The following ARHGAP8 variants were observed in gnomAD, a reference collection of about 807,000 sequenced individuals.
ARHGAP8 encodes the protein Rho GTPase activating protein 8.
ARHGAP8 carries 62 observed loss-of-function variants against 46.1 expected under a neutral mutation model. The ratio of observed to expected loss-of-function variants is 1.34; its 90% CI spans 1.10 to 1.66. The LOEUF is 1.66. ARHGAP8 is among the 40% of genes most tolerant of loss of function. The probability of loss-of-function intolerance (pLI) is 0.00; values close to 1 mark genes in which losing one functional copy is unlikely to be tolerated. For synonymous variants in ARHGAP8, 375 were observed against 243.1 expected (o/e 1.54, Z -5.05); for missense variants, 923 against 568.4 (o/e 1.62, Z -6.34).
At chr22:44,798,478 T>G (rs542860714) in intron 2 of ARHGAP8, among the ~76,000 whole-genome samples, 11 of 151,746 alleles carry the variant, frequency 7.2e-5, no homozygotes, top group Non-Finnish European at 1.3e-4. Flanking sequence ...TAATTAGATC[T>G]GCAGTGACCC....
In ARHGAP8 at chr22:44,848,170, A is replaced by G. The variant is rs564529029; in HGVS notation, c.748+120A>G. 22 of 1,386,838 alleles carry G rather than the reference A, an allele frequency of 1.6e-5. No homozygotes were observed. The East Asian group carries it at 5.5e-4, about 35-fold the overall frequency. The allele number at this position is 1,386,838 out of a possible 1,614,324, so 85.9% of individuals were successfully genotyped here. A position where few individuals can be genotyped will look rare whatever the true frequency, so the allele number is the denominator to read the frequency against. ...GCAACCCACCCAACTCCCAGAAAAC[A>G]CTCAGGGTGGGGGCAGCTTCCCAGG... On this transcript the variant is annotated intron_variant, in intron 9 of 11. Coordinates refer to ENST00000356099, the MANE Select transcript of ARHGAP8 (RefSeq NM_181335.3).
At chr22:44,802,213 T>C (rs1376629980) in intron 3 of ARHGAP8, 49 bp downstream of exon 3, 12 of 1,605,162 alleles carry the variant, frequency 7.5e-6, no homozygotes, top group Non-Finnish European at 1.0e-5. Context: ...CCATGTTGCT[T>C]GTCCCCATCC....
chr22:44,836,162 T>TCACCTCACGACAGCTC (rs1018203840), intron 7 of ARHGAP8, among the ~76,000 whole-genome samples: 15 of 152,212 alleles, frequency 9.9e-5, no homozygotes, highest in African/African-American at 3.6e-4. Context: ...TTGCCACCTT[T>TCACCTCACGACAGCTC]CACCTCACGA....
At chr22:44,774,518 ATTTT>A (rs132473) in intron 1 of ARHGAP8, among the ~76,000 whole-genome samples, 1 of 119,502 alleles carries the variant, frequency 8.4e-6, no homozygotes, top group African/African-American at 3.0e-5. Flanking sequence ...TCTTTGGGAG[ATTTT>A]TTTTTTTTTT....
At position 44,848,978 on chromosome 22, in the gene ARHGAP8, C is replaced by T. The variant is rs771834264; in HGVS notation, c.795C>T (p.Ala265=). The change falls in exon 10 of 12, where the codon GCC becomes GCT. Residue 265 remains alanine, a synonymous_variant. Coordinates refer to ENST00000356099, the MANE Select transcript of ARHGAP8 (RefSeq NM_181335.3). ...FDDYGDIHIP[A]VILKTFLREL... ...ACTACGGGGACATTCACATCCCTGC[C>T]GTGATCCTGAAGACCTTCCTGCGAG... 10 of 1,614,100 alleles carry T rather than the reference C, an allele frequency of 6.2e-6. No homozygotes were observed. Among genetic ancestry groups the T allele is most frequent in the Middle Eastern group, 1.6e-4 (1 of 6,062 alleles).
At chr22:44,845,474 G>C (rs1443145539) in intron 8 of ARHGAP8, 132 bp downstream of exon 8, 1 of 1,245,916 alleles carries the variant, frequency 8.0e-7, no homozygotes, top group East Asian at 2.4e-5. Context: ...AAGCACAGTG[G>C]CTCCAGGTCT....
At position 44,754,312 on chromosome 22, in the gene ARHGAP8, G is replaced by C. The variant is rs141574821; in HGVS notation, c.-72+1685G>C. The stretch of plus-strand genomic sequence containing the variant: ...CTGACGGGGTGGGCCAATTTACTTG[G>C]ATAACATCATTGGGTCATTGAAACT... On this transcript the variant is annotated intron_variant, in intron 1 of 11. Transcript: ENST00000356099. Among the ~76,000 whole-genome samples, 73 of 151,104 alleles carry C rather than the reference G, an allele frequency of 4.8e-4. No homozygotes were observed. In the East Asian group the frequency reaches 0.012, roughly 24 times the overall value.
At chr22:44,810,236 CTTTTTTTTTTTT>C (rs58029838) in intron 4 of ARHGAP8, among the ~76,000 whole-genome samples, 5 of 98,870 alleles carry the variant, frequency 5.1e-5, no homozygotes, top group South Asian at 3.8e-4. Flanking sequence ...ATATGGCAGC[CTTTTTTTTTTTT>C]TTTTTTTTTT....
intron 5 of ARHGAP8, among the ~76,000 whole-genome samples, chr22:44,822,040 G>A (rs1156991477): frequency 1.3e-5 from 2 of 152,232 alleles, no homozygotes; most frequent in Non-Finnish European, 1.5e-5. Flanking sequence ...CCCCTGTCTA[G>A]CCTGCATCCC....
chr22:44,801,846 A>G (rs1199633284), intron 2 of ARHGAP8: 2 of 562,846 alleles, frequency 3.6e-6, no homozygotes, highest in Non-Finnish European at 6.3e-6. Flanking sequence ...TTCTATCTGT[A>G]AAGTGGGGGG....
At chr22:44,847,883 G>A in intron 8 of ARHGAP8, 90 bp from the exon 9 acceptor site, 1 of 1,521,742 alleles carries the variant, frequency 6.6e-7, no homozygotes, top group Non-Finnish European at 8.9e-7. Flanking sequence ...CCACAGGTGG[G>A]TGATGCCGTG....
chr22:44,775,265 G>A (rs1476524783), intron 1 of ARHGAP8, among the ~76,000 whole-genome samples: 1 of 152,200 alleles, frequency 6.6e-6, no homozygotes, highest in Admixed American at 6.5e-5. Context: ...ATATGAGCTG[G>A]CCTGGGCCTA....
In ARHGAP8 at chr22:44,859,777, G is replaced by C. The variant is rs554108119; in HGVS notation, c.924G>C (p.Arg308=). The C allele has an allele frequency of 6.2e-7, 1 of 1,614,102 alleles. No individual in the cohort carries two copies. Among genetic ancestry groups the C allele is most frequent in the African/African-American group, 1.3e-5 (1 of 75,052 alleles). ...TCACTGGCTGCCGCCAGATCTTACG[G>C]AGCCTCCCAGAGCACAACTACGTCG... The part of the protein sequence containing the change: ...LRVTGCRQIL[R]SLPEHNYVVL... The change falls in exon 11 of 12, where the codon CGG becomes CGC. Residue 308 remains arginine, a synonymous_variant. Coordinates refer to ENST00000356099, the MANE Select transcript of ARHGAP8 (RefSeq NM_181335.3).
intron 7 of ARHGAP8, among the ~76,000 whole-genome samples, chr22:44,830,385 G>A (rs906635810): frequency 6.6e-6 from 1 of 151,852 alleles, no homozygotes; most frequent in East Asian, 1.9e-4. Flanking sequence ...AGGCTGGAGT[G>A]CAGTGGCACA....
chr22:44,846,880 G>T (rs540439518), intron 8 of ARHGAP8, among the ~76,000 whole-genome samples: 2 of 152,068 alleles, frequency 1.3e-5, no homozygotes, highest in African/African-American at 4.8e-5. Flanking sequence ...CTGTTAGGGG[G>T]GTTGACCTTG....
chr22:44,799,305 G>C (rs1485429916), intron 2 of ARHGAP8, among the ~76,000 whole-genome samples: 2 of 152,252 alleles, frequency 1.3e-5, no homozygotes, highest in African/African-American at 4.8e-5. Flanking sequence ...ACTGGGGTTG[G>C]AGCCCCTGCC....
At chr22:44,838,195 T>A (rs1931417253) in intron 7 of ARHGAP8, among the ~76,000 whole-genome samples, 1 of 151,402 alleles carries the variant, frequency 6.6e-6, no homozygotes, top group Non-Finnish European at 1.5e-5. Flanking sequence ...TGGAATGTGA[T>A]GGCACGATCT....
chr22:44,801,070 A>G (rs112789182), intron 2 of ARHGAP8, among the ~76,000 whole-genome samples: 1 of 50,188 alleles, frequency 2.0e-5, no homozygotes. Context: ...GCAGCTGTCC[A>G]TGTGTGAGGG....
chr22:44,753,510 C>G (rs968254418), intron 1 of ARHGAP8, among the ~76,000 whole-genome samples: 6 of 151,760 alleles, frequency 4.0e-5, no homozygotes, highest in Non-Finnish European at 5.9e-5. Flanking sequence ...CGTGAGACAC[C>G]GCGCCCGGCC....
Sources: allele counts gnomAD v4.1 joint callset (sites outside exome capture counted in the v4.1 genomes callset), GRCh38; gene constraint gnomAD v4.1.1; transcripts MANE v1.5; gene names NCBI Gene and HGNC (gene_info 2026-07-23, HGNC 2026-07-21).